Variants in MTHFD2 observed in about 807,000 individuals in gnomAD.
MTHFD2 encodes methylenetetrahydrofolate dehydrogenase (NADP+ dependent) 2, methenyltetrahydrofolate cyclohydrolase.
Under a neutral mutation model 36.8 loss-of-function variants are expected in MTHFD2, and 26 were observed. That is an observed-to-expected ratio of 0.71 (90% confidence interval 0.52 to 0.98). The LOEUF is 0.98. Among genes scored for constraint, MTHFD2 ranks in the 50% least tolerant of loss-of-function variants. The pLI is 0.00. For missense variants in MTHFD2, 373 were observed against 434.0 expected (o/e 0.86, Z 1.25); for synonymous variants, 164 against 155.2 (o/e 1.06, Z -0.42).
In MTHFD2 at chr2:74,216,604, A is replaced by T. The variant is rs1694452162; in HGVS notation, c.*2362A>T. The stretch of plus-strand genomic sequence containing the variant: ...GGTGTGGATGATAAATACTTTTTTT[A>T]AAAATTAATTATTATTGTTTATAAG... On this transcript the variant is annotated 3_prime_UTR_variant, in exon 8 of 8. Transcript: ENST00000394053. 2 of 152,092 alleles carry T rather than the reference A, an allele frequency of 1.3e-5. No homozygotes were observed. The highest frequency in any genetic ancestry group is 2.1e-4 in the South Asian group (1 of 4,822). The allele number at this position is 152,092 out of a possible 1,614,324, so 9.4% of individuals were successfully genotyped here.
At chr2:74,210,211 A>G (rs1694274216) in intron 5 of MTHFD2, among the ~76,000 whole-genome samples, 162 bp downstream of exon 5, 1 of 152,232 alleles carries the variant, frequency 6.6e-6, no homozygotes, top group African/African-American at 2.4e-5. Context: ...GAGAAGCTGC[A>G]CCCAGTGTCA....
chr2:74,198,620 G>A lies in MTHFD2; in HGVS notation c.-22G>A, dbSNP rs375363216. On this transcript the variant is annotated 5_prime_UTR_variant, in exon 1 of 8. Coordinates refer to ENST00000394053, the MANE Select transcript of MTHFD2 (RefSeq NM_006636.4). Reference sequence around the variant, plus strand: ...TGGCCCGCGCGCGCGCTTCCCTCCCGGCGCAGTCACCGGCGCGGTCTATGG... The same window carrying A: ...TGGCCCGCGCGCGCGCTTCCCTCCCAGCGCAGTCACCGGCGCGGTCTATGG... 1.9e-4 allele frequency: 302 copies of A among 1,583,114 alleles called. No homozygotes were observed. In the African/African-American group the frequency reaches 3.4e-3, roughly 18 times the overall value.
intron 5 of MTHFD2, 38 bp downstream of exon 5, chr2:74,210,087 C>A (rs745519269): frequency 1.9e-6 from 3 of 1,545,722 alleles, no homozygotes; most frequent in South Asian, 2.3e-5. Context: ...GTCCTTTTTT[C>A]CCCATGTAAG....
intron 7 of MTHFD2, 30 bp downstream of exon 7, chr2:74,211,896 G>A: frequency 6.6e-7 from 1 of 1,518,980 alleles, no homozygotes; most frequent in East Asian, 2.5e-5. Flanking sequence ...TTTTAAAAAT[G>A]AAATCAATAA....
intron 7 of MTHFD2, among the ~76,000 whole-genome samples, chr2:74,213,270 C>CTTTTTTTTTTTTTT (rs10638050): frequency 4.3e-4 from 33 of 76,012 alleles, no homozygotes; most frequent in East Asian, 7.0e-4. Flanking sequence ...TTTTTCTTTC[C>CTTTTTTTTTTTTTT]TTTTTTTTTT....
intron 7 of MTHFD2, among the ~76,000 whole-genome samples, chr2:74,212,678 G>T (rs1364237882): frequency 6.6e-6 from 1 of 152,126 alleles, no homozygotes; most frequent in Non-Finnish European, 1.5e-5. Context: ...ACTTTTCAGG[G>T]AATTGTTTTT....
rs762845420 is a variant in MTHFD2 at position 74,207,721 on chromosome 2, A to C, written c.304A>C (p.Ile102Leu). ...TATAATAGGAATCAACAGTGAGACA[A>C]TTATGAAACCAGCTTCAATTTCAGA... ...AAVVGINSET[I>L]MKPASISEEE... The change falls in exon 3 of 8, where the codon ATT becomes CTT. Residue 102 changes from isoleucine (I) to leucine (L), a missense_variant. Around this residue, in one of 2 missense-constraint regions of MTHFD2, gnomAD observed 308 missense variants for 397.8 expected, o/e 0.77. Coordinates refer to ENST00000394053, the MANE Select transcript of MTHFD2 (RefSeq NM_006636.4). 12 of 1,608,256 alleles carry C rather than the reference A, an allele frequency of 7.5e-6. No homozygotes were observed. The highest frequency in any genetic ancestry group is 1.0e-5 in the Non-Finnish European group (12 of 1,175,336).
At chr2:74,206,241 G>T (rs539171819) in intron 2 of MTHFD2, among the ~76,000 whole-genome samples, 1 of 152,268 alleles carries the variant, frequency 6.6e-6, no homozygotes, top group Admixed American at 6.5e-5. Flanking sequence ...GCAGCTTAAA[G>T]CCTTAGAGGC....
At chr2:74,213,962 T>G in intron 7 of MTHFD2, 117 bp from the exon 8 acceptor site, 2 of 1,110,666 alleles carry the variant, frequency 1.8e-6, no homozygotes, top group Non-Finnish European at 2.6e-6. Context: ...ATGTGATTTT[T>G]GAGTTTTATG....
chr2:74,213,509 TCAAA>T (rs1009224271), intron 7 of MTHFD2, among the ~76,000 whole-genome samples: 2 of 152,190 alleles, frequency 1.3e-5, no homozygotes, highest in Non-Finnish European at 1.5e-5. Flanking sequence ...ACTCCTGGCC[TCAAA>T]CAATCTCCCC....
At chr2:74,211,696 G>T in intron 6 of MTHFD2, 45 bp from the exon 7 acceptor site, 1 of 1,540,136 alleles carries the variant, frequency 6.5e-7, no homozygotes, top group Non-Finnish European at 8.8e-7. Context: ...CTGACAGGTA[G>T]ACTGTTTTCA....
intron 5 of MTHFD2, among the ~76,000 whole-genome samples, chr2:74,210,516 A>G (rs1459571099): frequency 6.6e-6 from 1 of 152,246 alleles, no homozygotes; most frequent in East Asian, 1.9e-4. Flanking sequence ...ATGACCTTAC[A>G]TGATTATATC....
In MTHFD2 at chr2:74,211,259, C is replaced by T; in HGVS notation, c.731C>T (p.Thr244Ile). Residue 244 changes from threonine (T) to isoleucine (I), a missense_variant, in exon 6 of 8, where the codon ACA (threonine) becomes ATA (isoleucine). Physicochemically the swap from Thr to Ile is moderately conservative, Grantham distance 89. Transcript: ENST00000394053. ...YTPKEQLKKH[T>I]ILADIVISAA... is the part of the protein sequence containing the mutation. ...CCCAAAGAGCAGTTGAAGAAACATA[C>T]AATTCTTGCAGATATTGTAATATCT... is the stretch of plus-strand genomic sequence containing the variant. 2 of 1,607,552 alleles carry T rather than the reference C, an allele frequency of 1.2e-6. No homozygotes were observed. Among genetic ancestry groups the T allele is most frequent in the Non-Finnish European group, 1.7e-6 (2 of 1,175,446 alleles).
At position 74,213,998 on chromosome 2, in the gene MTHFD2, A is replaced by C. The variant is rs1694371422; in HGVS notation, c.890-81A>C. The C allele has an allele frequency of 2.8e-6, 4 of 1,445,930 alleles. No individual in the cohort carries two copies. In the African/African-American group the frequency reaches 5.7e-5, roughly 21 times the overall value. 89.6% of individuals were successfully genotyped at this position (1,445,930 alleles called of 1,614,324 possible). A position where few individuals can be genotyped will look rare whatever the true frequency, so the allele number is the denominator to read the frequency against. ...CTTATGTATGTTACTTTTTCCTTGC[A>C]TGCTTGTTTAATAATATATTAAAGT... On this transcript the variant is annotated intron_variant, in intron 7 of 7. Coordinates refer to ENST00000394053, the MANE Select transcript of MTHFD2 (RefSeq NM_006636.4).
intron 4 of MTHFD2, among the ~76,000 whole-genome samples, chr2:74,208,929 A>G (rs916768491): frequency 2.5e-4 from 38 of 151,816 alleles, no homozygotes; most frequent in Non-Finnish European, 4.7e-4. Context: ...GCTGGAGTGC[A>G]GTGGCGCGAT....
intron 7 of MTHFD2, among the ~76,000 whole-genome samples, chr2:74,212,893 T>A (rs892689793): frequency 2.1e-5 from 3 of 145,670 alleles, no homozygotes; most frequent in Admixed American, 1.4e-4. Context: ...ACTAGTAGAT[T>A]TCTTCTTTCA....
chr2:74,213,852 GATTT>G (rs2103840269), intron 7 of MTHFD2, among the ~76,000 whole-genome samples: 1 of 152,180 alleles, frequency 6.6e-6, no homozygotes, highest in Admixed American at 6.5e-5. Context: ...TTCTTTAATA[GATTT>G]CTTTATAGGT....
chr2:74,204,025 T>C (rs1385567554), intron 1 of MTHFD2, among the ~76,000 whole-genome samples: 1 of 151,996 alleles, frequency 6.6e-6, no homozygotes, highest in East Asian at 1.9e-4. Context: ...GCAATTCTCC[T>C]GCCTCAGCCT....
At chr2:74,210,927 C>T (rs1694290655) in intron 5 of MTHFD2, among the ~76,000 whole-genome samples, 4 of 152,138 alleles carry the variant, frequency 2.6e-5, no homozygotes, top group African/African-American at 7.2e-5. Flanking sequence ...GCTGGGATTA[C>T]AGGCATGCGC....
Sources: allele counts gnomAD v4.1 joint callset (sites outside exome capture counted in the v4.1 genomes callset), GRCh38; gene constraint gnomAD v4.1.1; regional missense constraint gnomAD v4.1.1; transcripts MANE v1.5; gene names NCBI Gene and HGNC (gene_info 2026-07-23, HGNC 2026-07-21).